The following CHCHD6 variants were observed in gnomAD, a reference collection of about 807,000 sequenced individuals.
CHCHD6 encodes coiled-coil-helix-coiled-coil-helix domain containing 6.
A neutral mutation model predicts 32.3 loss-of-function variants in CHCHD6; 28 were observed. The ratio of observed to expected loss-of-function variants is 0.87; its 90% confidence interval spans 0.64 to 1.19. The LOEUF (loss-of-function observed/expected upper bound fraction) is 1.19, where lower values mean the gene tolerates loss of function less well. Among genes scored for constraint, CHCHD6 ranks in the 50% most tolerant of loss-of-function variants. CHCHD6 has a pLI of 0.00. For synonymous variants in CHCHD6, 122 were observed against 117.5 expected, an observed-to-expected ratio of 1.04 and a Z score of -0.25; for missense variants, 333 against 307.0, an observed-to-expected ratio of 1.08 and a Z score of -0.63.
intron 4 of CHCHD6, among the ~76,000 whole-genome samples, chr3:126,755,314 T>C (rs1410964120): frequency 1.3e-5 from 2 of 152,160 alleles, no homozygotes; most frequent in Non-Finnish European, 2.9e-5. Flanking sequence ...TGTCACTGTA[T>C]AGGGCAGCCC....
intron 6 of CHCHD6, among the ~76,000 whole-genome samples, chr3:126,946,511 C>T (rs927781440): frequency 3.3e-5 from 5 of 152,320 alleles, no homozygotes; most frequent in African/African-American, 9.6e-5. Flanking sequence ...CAGGCTCTCT[C>T]GCAAGCCTCA....
chr3:126,938,018 A>G (rs978013959), intron 6 of CHCHD6, among the ~76,000 whole-genome samples: 1 of 152,216 alleles, frequency 6.6e-6, no homozygotes, highest in Admixed American at 6.5e-5. Context: ...AGGACAAGCT[A>G]CAAATTATCT....
intron 4 of CHCHD6, among the ~76,000 whole-genome samples, chr3:126,822,644 T>A (rs1940198751): frequency 6.6e-6 from 1 of 152,260 alleles, no homozygotes; most frequent in Admixed American, 6.5e-5. Flanking sequence ...GTATTGAATC[T>A]GTAGATCAGT....
intron 5 of CHCHD6, among the ~76,000 whole-genome samples, chr3:126,910,957 AG>A (rs1417322294): frequency 6.6e-6 from 1 of 152,196 alleles, no homozygotes; most frequent in Non-Finnish European, 1.5e-5. Context: ...GATAGGGCTG[AG>A]TCCAGGCTGG....
At chr3:126,704,441 G>C (rs1444623070) in intron 1 of CHCHD6, 42 bp downstream of exon 1, 2 of 1,309,516 alleles carry the variant, frequency 1.5e-6, no homozygotes, top group Non-Finnish European at 2.0e-6. Flanking sequence ...TGGAGGCCGC[G>C]GGCGCGGGGG....
chr3:126,947,687 T>A (rs1210280848), intron 6 of CHCHD6, among the ~76,000 whole-genome samples: 1 of 152,110 alleles, frequency 6.6e-6, no homozygotes. Context: ...AGGCAGAAGT[T>A]CCCAAGACCA....
chr3:126,784,475 GCTGCTGCTTT>G (rs1304535026), intron 4 of CHCHD6, among the ~76,000 whole-genome samples: 1 of 152,098 alleles, frequency 6.6e-6, no homozygotes, highest in Non-Finnish European at 1.5e-5. Context: ...CCACTGCCTT[GCTGCTGCTTT>G]CTGCCCCCAA....
At chr3:126,911,034 T>TTTTTC (rs2078082437) in intron 5 of CHCHD6, among the ~76,000 whole-genome samples, 1 of 152,176 alleles carries the variant, frequency 6.6e-6, no homozygotes, top group Non-Finnish European at 1.5e-5. Context: ...AAACCATATG[T>TTTTTC]AAGTATTTTT....
intron 5 of CHCHD6, 92 bp downstream of exon 5, chr3:126,852,822 G>T: frequency 3.5e-6 from 3 of 858,548 alleles, no homozygotes; most frequent in South Asian, 2.9e-5. Flanking sequence ...AGAGGAGTCC[G>T]CAGACCCAGT....
intron 5 of CHCHD6, among the ~76,000 whole-genome samples, chr3:126,872,132 A>G (rs2077481270): frequency 6.6e-6 from 1 of 152,164 alleles, no homozygotes; most frequent in Non-Finnish European, 1.5e-5. Flanking sequence ...TTTGGTTGTC[A>G]TGACTGAGGG....
intron 6 of CHCHD6, among the ~76,000 whole-genome samples, chr3:126,944,257 A>T (rs2078603200): frequency 6.6e-6 from 1 of 152,256 alleles, no homozygotes; most frequent in Non-Finnish European, 1.5e-5. Flanking sequence ...TCCAGGGCTC[A>T]GCCCACCGGG....
At chr3:126,828,309 G>C (rs904604272) in intron 4 of CHCHD6, among the ~76,000 whole-genome samples, 3 of 152,186 alleles carry the variant, frequency 2.0e-5, no homozygotes, top group African/African-American at 7.2e-5. Flanking sequence ...ACTCAACCTT[G>C]GCTGATTCTC....
Position 126,715,590 on chromosome 3 carries a change from G to T in CHCHD6, c.87+11191G>T, listed in dbSNP as rs536631823. On this transcript the variant is annotated intron_variant, in intron 1 of 7. Transcript: ENST00000290913. ...GAGAGGTAGCCTCTTGTAGCTTCCT[G>T]TGCAACCTGTTTGCCTGTGGAACAG... is the stretch of plus-strand genomic sequence containing the variant. Among the ~76,000 whole-genome samples, 3 of 152,246 alleles carry T rather than the reference G, an allele frequency of 2.0e-5. No homozygotes were observed. The South Asian group carries it at 6.2e-4, about 32-fold the overall frequency.
intron 4 of CHCHD6, among the ~76,000 whole-genome samples, chr3:126,762,445 A>T (rs1267809544): frequency 6.6e-6 from 1 of 152,062 alleles, no homozygotes; most frequent in Non-Finnish European, 1.5e-5. Flanking sequence ...TGAATTTTTC[A>T]GTTTTCTTTC....
chr3:126,790,667 G>T (rs58002446), intron 4 of CHCHD6, among the ~76,000 whole-genome samples: 1 of 152,262 alleles, frequency 6.6e-6, no homozygotes, highest in African/African-American at 2.4e-5. Flanking sequence ...ATGGTTTTCA[G>T]CTCCATCAGG....
chr3:126,799,322 C>T (rs142996731), intron 4 of CHCHD6, among the ~76,000 whole-genome samples: 36 of 152,298 alleles, frequency 2.4e-4, no homozygotes, highest in Non-Finnish European at 4.9e-4. Context: ...AAGCCAAGGA[C>T]AAGCCCAGAG....
At chr3:126,798,568 C>T (rs1014955782) in intron 4 of CHCHD6, among the ~76,000 whole-genome samples, 15 of 151,812 alleles carry the variant, frequency 9.9e-5, no homozygotes, top group South Asian at 4.2e-4. Flanking sequence ...CTCGGCTCCC[C>T]GATGGTACTC....
intron 4 of CHCHD6, among the ~76,000 whole-genome samples, chr3:126,795,726 C>T (rs1179331882): frequency 6.6e-6 from 1 of 152,108 alleles, no homozygotes; most frequent in African/African-American, 2.4e-5. Flanking sequence ...CTCAGTATTA[C>T]CTGGTGAGTA....
chr3:126,865,134 T>TA (rs1942236082), intron 5 of CHCHD6, among the ~76,000 whole-genome samples: 1 of 98,900 alleles, frequency 1.0e-5, no homozygotes, highest in Admixed American at 1.0e-4. Flanking sequence ...CTCCTCCTCC[T>TA]CCACCACCAC....
Sources: allele counts gnomAD v4.1 joint callset (sites outside exome capture counted in the v4.1 genomes callset), GRCh38; gene constraint gnomAD v4.1.1; transcripts MANE v1.5; gene names NCBI Gene and HGNC (gene_info 2026-07-23, HGNC 2026-07-21).